Variants in DNAH11 observed in about 807,000 individuals in gnomAD.
DNAH11 encodes the protein axonemal beta dynein heavy chain 11.
A neutral mutation model predicts 526.0 loss-of-function variants in DNAH11; 442 were observed. The ratio of observed to expected loss-of-function variants is 0.84; its 90% CI spans 0.78 to 0.91. DNAH11 has a LOEUF of 0.91. Ranked by LOEUF, DNAH11 falls within the 40% of genes least tolerant of loss-of-function variation. The pLI, the probability that DNAH11 is intolerant of heterozygous loss-of-function variation, is 0.00. For synonymous variants in DNAH11, 2,461 were observed against 1,935.9 expected, an observed-to-expected ratio of 1.27 and a Z score of -7.12; for missense variants, 6,989 against 5,448.7, an observed-to-expected ratio of 1.28 and a Z score of -8.90.
In DNAH11 at chr7:21,857,338, C is replaced by G. The variant is rs550327896; in HGVS notation, c.11202+2883C>G. The stretch of plus-strand genomic sequence containing the variant: ...TAAAGAAGTCCTAACTAAATAGATA[C>G]ACCATGTTCATCAGTTGGAATGCTC... On this transcript the variant is annotated intron_variant, in intron 68 of 81. Coordinates refer to ENST00000409508, the MANE Select transcript of DNAH11 (RefSeq NM_001277115.2). 1.4e-3 allele frequency among the ~76,000 whole-genome samples: 214 copies of G among 152,160 alleles called. 1 individual carries two copies. The highest frequency in any genetic ancestry group is 1.9e-3 in the Non-Finnish European group (127 of 67,988).
intron 44 of DNAH11, among the ~76,000 whole-genome samples, chr7:21,721,585 C>T (rs920081736): frequency 1.3e-5 from 2 of 152,166 alleles, no homozygotes; most frequent in Non-Finnish European, 1.5e-5. Flanking sequence ...CGCCACTTTC[C>T]CGCTGTGTCC....
At chr7:21,587,457 A>G (rs1583504760) in intron 9 of DNAH11, among the ~76,000 whole-genome samples, 1 of 152,096 alleles carries the variant, frequency 6.6e-6, no homozygotes, top group Non-Finnish European at 1.5e-5. Context: ...GACTCTGAGA[A>G]AGAATCTTAT....
At chr7:21,545,543 G>A (rs1410907121) in intron 2 of DNAH11, among the ~76,000 whole-genome samples, 1 of 152,130 alleles carries the variant, frequency 6.6e-6, no homozygotes, top group Admixed American at 6.5e-5. Context: ...TTGAAAATGA[G>A]TATTATCAGT....
intron 66 of DNAH11, among the ~76,000 whole-genome samples, chr7:21,848,927 C>T (rs956515791): frequency 3.3e-5 from 5 of 151,990 alleles, no homozygotes; most frequent in Non-Finnish European, 5.9e-5. Context: ...CTCTTGTTGC[C>T]CAGGCTGGAG....
At chr7:21,742,229 G>A in intron 49 of DNAH11, 63 bp downstream of exon 49, 1 of 1,539,758 alleles carries the variant, frequency 6.5e-7, no homozygotes, top group Non-Finnish European at 8.8e-7. Context: ...CTATGTATTA[G>A]CCCATTTTTT....
chr7:21,680,083 A>T (rs1024950796), intron 30 of DNAH11, among the ~76,000 whole-genome samples: 3 of 152,182 alleles, frequency 2.0e-5, no homozygotes, highest in African/African-American at 7.2e-5. Flanking sequence ...TGTTACAGTT[A>T]TCTCTTCCTC....
intron 9 of DNAH11, among the ~76,000 whole-genome samples, chr7:21,583,843 G>T (rs1562678894): frequency 6.6e-6 from 1 of 152,140 alleles, no homozygotes; most frequent in Non-Finnish European, 1.5e-5. Context: ...ATCATCACTG[G>T]TCATTAGAGA....
chr7:21,805,693 T>C (rs1193156511), intron 62 of DNAH11, among the ~76,000 whole-genome samples: 1 of 152,270 alleles, frequency 6.6e-6, no homozygotes, highest in East Asian at 1.9e-4. Flanking sequence ...GGCCCTACCA[T>C]GTGTGTCTAA....
chr7:21,900,836 G>GGTAACCTACCTTTCAAAGCTCAGTC, intron 81 of DNAH11, 171 bp from the exon 82 acceptor site: 2 of 1,103,972 alleles, frequency 1.8e-6, no homozygotes, highest in South Asian at 4.3e-5. Flanking sequence ...CTGCAGGCAG[G>GGTAACCTACCTTTCAAAGCTCAGTC]GTAACCTACC....
intron 65 of DNAH11, among the ~76,000 whole-genome samples, chr7:21,826,394 AATGCAG>A: frequency 6.6e-6 from 1 of 152,322 alleles, no homozygotes; most frequent in South Asian, 2.1e-4. Context: ...TTCTTTTTTC[AATGCAG>A]TAAAAGTTGG....
chr7:21,794,210 T>C (rs983786115), intron 61 of DNAH11, among the ~76,000 whole-genome samples: 3 of 152,216 alleles, frequency 2.0e-5, no homozygotes, highest in African/African-American at 7.2e-5. Context: ...ATTATTGATC[T>C]GAGAGCTCCC....
intron 35 of DNAH11, among the ~76,000 whole-genome samples, chr7:21,695,833 A>G (rs1302991333): frequency 6.6e-6 from 1 of 152,204 alleles, no homozygotes; most frequent in Non-Finnish European, 1.5e-5. Flanking sequence ...AATTTTTGCA[A>G]TCTATCCATC....
At chr7:21,863,764 A>G (rs982824024) in intron 69 of DNAH11, among the ~76,000 whole-genome samples, 5 of 152,350 alleles carry the variant, frequency 3.3e-5, no homozygotes, top group East Asian at 1.9e-4. Flanking sequence ...TCATAACTAT[A>G]TGGATAATTA....
In DNAH11 at chr7:21,850,600, GTCT is replaced by G. The variant is rs1414079727; in HGVS notation, c.10897-1859_10897-1857del. On this transcript the variant is annotated intron_variant, in intron 66 of 81. Transcript: ENST00000409508. ...AGTCTTGTCCTGAGGTTTGCGTTCT[GTCT>G]TCTTCTTTTTTTTTTTTTTTTTTTT... 5.8e-4 allele frequency among the ~76,000 whole-genome samples: 63 copies of G among 108,148 alleles called. 1 individual carries two copies. The South Asian group carries it at 0.018, about 30-fold the overall frequency. 70.9% of individuals were successfully genotyped at this position (108,148 alleles called of 152,430 possible). A position where few individuals can be genotyped will look rare whatever the true frequency, so the allele number is the denominator to read the frequency against.
chr7:21,632,563 C>A (rs1429253681), intron 25 of DNAH11, among the ~76,000 whole-genome samples: 1 of 152,050 alleles, frequency 6.6e-6, no homozygotes, highest in South Asian at 2.1e-4. Flanking sequence ...GTTAAAAGTG[C>A]CAAAAATCTC....
At position 21,901,576 on chromosome 7, in the gene DNAH11, A is replaced by AAAAGTACATCAT. The variant is rs1784858438; in HGVS notation, c.*325_*326insGTACATCATAAA. The AAAAGTACATCAT allele has an allele frequency of 2.1e-5, 4 of 187,994 alleles. No individual in the cohort carries two copies. The highest frequency in any genetic ancestry group is 7.0e-5 in the African/African-American group (3 of 42,752). 11.6% of individuals were successfully genotyped at this position (187,994 alleles called of 1,614,324 possible). On this transcript the variant is annotated 3_prime_UTR_variant, in exon 82 of 82. Coordinates refer to ENST00000409508, the MANE Select transcript of DNAH11 (RefSeq NM_001277115.2). ...AGAACAAGACTCCATCTCAAAAAAA[A>AAAAGTACATCAT]AAAAGTACATCATAAAAGTACATCA...
intron 25 of DNAH11, among the ~76,000 whole-genome samples, chr7:21,626,932 A>G (rs1786367495): frequency 6.6e-6 from 1 of 151,448 alleles, no homozygotes; most frequent in African/African-American, 2.4e-5. Context: ...TTGTATTTTT[A>G]GTAGAGATGG....
intron 81 of DNAH11, 160 bp from the exon 82 acceptor site, chr7:21,900,847 T>G (rs62445900): frequency 2.4e-6 from 3 of 1,248,500 alleles, no homozygotes; most frequent in South Asian, 3.8e-5. Context: ...GTAACCTACC[T>G]TTCAAAGCTC....
chr7:21,787,392 G>A lies in DNAH11; in HGVS notation c.9742-9G>A. On this transcript the variant is annotated splice_polypyrimidine_tract_variant and intron_variant, in intron 59 of 81. Coordinates refer to ENST00000409508, the MANE Select transcript of DNAH11 (RefSeq NM_001277115.2). ...TGGGTTCATTGCAATAAATCTTTTT[G>A]CTTTGCAGGTTGATGATTTTTTGCA... 1 of 1,593,268 alleles carries A rather than the reference G, an allele frequency of 6.3e-7. No homozygotes were observed. The highest frequency in any genetic ancestry group is 8.5e-7 in the Non-Finnish European group (1 of 1,170,624).
Sources: gnomAD v4.1 joint callset for allele counts (sites outside exome capture counted in the v4.1 genomes callset) on GRCh38, gnomAD v4.1.1 for gene constraint, MANE v1.5 for transcripts, NCBI Gene and HGNC (gene_info 2026-07-23, HGNC 2026-07-21) for gene names.